PTPRT: variants seen among roughly 807,000 people sequenced by gnomAD.
PTPRT encodes protein tyrosine phosphatase receptor type T, also known as receptor-type tyrosine-protein phosphatase T.
PTPRT carries 56 observed loss-of-function variants against 176.8 expected under a neutral mutation model. The observed-to-expected ratio is 0.32, with a 90% CI of 0.26 to 0.40. PTPRT has a LOEUF of 0.40. Ranked by LOEUF, PTPRT falls within the 10% of genes least tolerant of loss-of-function variation. The probability of loss-of-function intolerance (pLI) is 1.00; values close to 1 mark genes in which losing one functional copy is unlikely to be tolerated. For missense variants in PTPRT, 1,540 were observed against 1,908.2 expected (o/e 0.81, Z 3.60); for synonymous variants, 783 against 739.0 (o/e 1.06, Z -0.96).
At chr20:42,885,267 T>C (rs2079084174) in intron 2 of PTPRT, among the ~76,000 whole-genome samples, 1 of 147,300 alleles carries the variant, frequency 6.8e-6, no homozygotes, top group African/African-American at 2.5e-5. Flanking sequence ...TAATGTATAA[T>C]ATAATATATA....
intron 1 of PTPRT, among the ~76,000 whole-genome samples, chr20:43,067,940 G>A (rs988658315): frequency 1.5e-5 from 1 of 66,386 alleles, no homozygotes; most frequent in African/African-American, 6.7e-5. Flanking sequence ...ATTCCAGCCT[G>A]GGTGATGAGG....
chr20:42,162,626 A>G (rs1989653542), intron 16 of PTPRT, among the ~76,000 whole-genome samples: 1 of 152,214 alleles, frequency 6.6e-6, no homozygotes, highest in South Asian at 2.1e-4. Context: ...GTGGCATGCA[A>G]GAGATGAGAA....
chr20:42,943,751 G>A (rs1174604167), intron 1 of PTPRT, among the ~76,000 whole-genome samples: 8 of 152,080 alleles, frequency 5.3e-5, no homozygotes, highest in African/African-American at 1.9e-4. Context: ...ACAGTGGCTC[G>A]CACCTGTAAT....
intron 3 of PTPRT, among the ~76,000 whole-genome samples, chr20:42,781,104 C>G (rs1201856533): frequency 6.6e-6 from 1 of 152,080 alleles, no homozygotes; most frequent in Non-Finnish European, 1.5e-5. Flanking sequence ...CCAGTTGACT[C>G]CTCTTGACCT....
intron 1 of PTPRT, among the ~76,000 whole-genome samples, chr20:43,026,040 C>T (rs892365499): frequency 6.6e-6 from 1 of 152,036 alleles, no homozygotes; most frequent in African/African-American, 2.4e-5. Flanking sequence ...AATTGTGGCC[C>T]CCCCTCCAAA....
At chr20:42,783,673 G>T (rs1178607446) in intron 3 of PTPRT, among the ~76,000 whole-genome samples, 1 of 152,166 alleles carries the variant, frequency 6.6e-6, no homozygotes, top group African/African-American at 2.4e-5. Context: ...GACCCTCAGA[G>T]ATGGAAAGAC....
chr20:42,678,486 A>G (rs531270015), intron 6 of PTPRT, among the ~76,000 whole-genome samples: 49 of 152,160 alleles, frequency 3.2e-4, no homozygotes, highest in African/African-American at 1.1e-3. Flanking sequence ...TTTGTAGTGC[A>G]GATGGGGTTT....
At chr20:42,549,962 CTGTT>C (rs1428004480) in intron 7 of PTPRT, among the ~76,000 whole-genome samples, 1 of 152,126 alleles carries the variant, frequency 6.6e-6, no homozygotes, top group African/African-American at 2.4e-5. Flanking sequence ...AAAGACCAGA[CTGTT>C]TGTTTCAAAT....
intron 18 of PTPRT, 77 bp from the exon 19 acceptor site, chr20:42,128,907 T>C: frequency 8.1e-7 from 1 of 1,228,524 alleles, no homozygotes. Flanking sequence ...AGAACTACTG[T>C]TTATTAATGA....
chr20:43,007,559 C>T (rs577074090), intron 1 of PTPRT, among the ~76,000 whole-genome samples: 12 of 152,298 alleles, frequency 7.9e-5, no homozygotes, highest in South Asian at 6.2e-4. Flanking sequence ...CTGAATCCAA[C>T]GGAATTATCC....
At chr20:42,524,589 A>C (rs1246472253) in intron 7 of PTPRT, among the ~76,000 whole-genome samples, 1 of 152,128 alleles carries the variant, frequency 6.6e-6, no homozygotes, top group African/African-American at 2.4e-5. Context: ...CCTGTAATAA[A>C]TCTAAGTGTC....
At chr20:42,885,307 C>T (rs1318978564) in intron 2 of PTPRT, among the ~76,000 whole-genome samples, 1 of 146,500 alleles carries the variant, frequency 6.8e-6, no homozygotes, top group Admixed American at 6.9e-5. Context: ...GTAGAAGTCT[C>T]CCTAAGTATA....
chr20:42,485,188 T>C (rs756126188), intron 7 of PTPRT, among the ~76,000 whole-genome samples: 2 of 152,196 alleles, frequency 1.3e-5, no homozygotes, highest in Non-Finnish European at 2.9e-5. Context: ...GGTTTCAGTT[T>C]CCAGAGAAAG....
intron 12 of PTPRT, among the ~76,000 whole-genome samples, chr20:42,306,257 G>T (rs6030122): frequency 2.0e-5 from 3 of 152,272 alleles, no homozygotes; most frequent in South Asian, 2.1e-4. Flanking sequence ...TCTTACCTAA[G>T]GAGAGAAGTC....
chr20:42,830,635 T>C (rs1193868371), intron 2 of PTPRT, among the ~76,000 whole-genome samples: 1 of 152,142 alleles, frequency 6.6e-6, no homozygotes, highest in African/African-American at 2.4e-5. Context: ...GGCATCCAAA[T>C]AGTAAGATAG....
intron 8 of PTPRT, among the ~76,000 whole-genome samples, chr20:42,467,745 T>C (rs1400560831): frequency 6.6e-6 from 1 of 152,192 alleles, no homozygotes; most frequent in Non-Finnish European, 1.5e-5. Flanking sequence ...TACACACACA[T>C]GAGTAAATGC....
chr20:42,828,534 C>A (rs1032617329), intron 2 of PTPRT, among the ~76,000 whole-genome samples: 1 of 152,136 alleles, frequency 6.6e-6, no homozygotes, highest in Admixed American at 6.5e-5. Context: ...ACGTGAAAGA[C>A]CTTCACAGTA....
In PTPRT at chr20:42,784,818, T is replaced by G. The variant is rs146577088; in HGVS notation, c.487-4519A>C. On this transcript the variant is annotated intron_variant, in intron 3 of 30. Transcript: ENST00000373187. The stretch of plus-strand genomic sequence containing the variant: ...TGGCTGCAAAATTAACAGAAGTTCT[T>G]TTATTTTTTTAAATCTTGAAACAGA... Among the ~76,000 whole-genome samples, 358 of 152,280 alleles carry G rather than the reference T, an allele frequency of 2.4e-3. 2 individuals are homozygous for G. The highest frequency in any genetic ancestry group is 8.0e-3 in the African/African-American group (333 of 41,554).
chr20:42,549,815 A>ACTGT (rs2072736782), intron 7 of PTPRT, among the ~76,000 whole-genome samples: 1 of 152,132 alleles, frequency 6.6e-6, no homozygotes, highest in African/African-American at 2.4e-5. Flanking sequence ...AGACACACCT[A>ACTGT]GGGCATCTCA....
Sources: gnomAD v4.1 joint callset for allele counts (sites outside exome capture counted in the v4.1 genomes callset) on GRCh38, gnomAD v4.1.1 for gene constraint, MANE v1.5 for transcripts, NCBI Gene and HGNC (gene_info 2026-07-23, HGNC 2026-07-21) for gene names.